The following TNS3 variants were observed in gnomAD, a reference collection of about 807,000 sequenced individuals.
The protein encoded by TNS3 is tensin 3.
Under a neutral mutation model 140.9 loss-of-function variants are expected in TNS3, and 45 were observed. The observed-to-expected ratio is 0.32, with a 90% CI of 0.25 to 0.41. The LOEUF is 0.41. Among genes scored for constraint, TNS3 ranks in the 10% least tolerant of loss-of-function variants. The pLI is 1.00. For missense variants in TNS3, 1,716 were observed against 1,906.7 expected (o/e 0.90, Z 1.86); for synonymous variants, 815 against 788.4 (o/e 1.03, Z -0.56).
chr7:47,348,959 T>C (rs1292744286), intron 17 of TNS3, among the ~76,000 whole-genome samples: 2 of 152,236 alleles, frequency 1.3e-5, no homozygotes, highest in African/African-American at 4.8e-5. Context: ...ACCTTTCAAC[T>C]TGGAAGTTTC....
At chr7:47,297,238 A>G in intron 23 of TNS3, 25 bp from the exon 24 acceptor site, 1 of 1,598,976 alleles carries the variant, frequency 6.3e-7, no homozygotes, top group Non-Finnish European at 8.5e-7. Context: ...GAGAAAGACA[A>G]GAAGGTCTGC....
chr7:47,481,587 G>C, intron 3 of TNS3: 1 of 900,810 alleles, frequency 1.1e-6, no homozygotes, highest in Non-Finnish European at 1.3e-6. Context: ...CTCTACACAA[G>C]GGGCCATCTT....
intron 1 of TNS3, among the ~76,000 whole-genome samples, chr7:47,530,766 T>C (rs1044713428): frequency 5.0e-5 from 7 of 140,166 alleles, no homozygotes; most frequent in African/African-American, 8.0e-5. Context: ...GAGGTTGCAG[T>C]GAGCCGAGAT....
Position 47,454,969 on chromosome 7 carries a change from G to A in TNS3, c.-75-12914C>T, listed in dbSNP as rs140819919. On this transcript the variant is annotated intron_variant, in intron 4 of 30. Coordinates refer to ENST00000311160, the MANE Select transcript of TNS3 (RefSeq NM_022748.12). ...TCTGGAGTATGCCCTGCAGAGCTGC[G>A]TTCTGTCCTGTTAGATGTCCCACCC... Among the ~76,000 whole-genome samples the A allele has an allele frequency of 2.4e-3, 361 of 152,224 alleles. 2 individuals carry two copies. Among genetic ancestry groups the A allele is most frequent in the African/African-American group, 8.4e-3 (349 of 41,534 alleles).
intron 1 of TNS3, among the ~76,000 whole-genome samples, chr7:47,546,428 G>C (rs1279214684): frequency 1.3e-5 from 2 of 152,058 alleles, no homozygotes; most frequent in East Asian, 3.9e-4. Flanking sequence ...CTGCGTCCCA[G>C]CCCTGTGCAC....
intron 8 of TNS3, among the ~76,000 whole-genome samples, chr7:47,432,505 T>A (rs369011916): frequency 3.3e-5 from 5 of 152,380 alleles, no homozygotes; most frequent in Admixed American, 6.5e-5. Context: ...GTTTCACATA[T>A]TCTGTTATAA....
chr7:47,383,876 C>A (rs953802533), intron 16 of TNS3, among the ~76,000 whole-genome samples: 1 of 152,192 alleles, frequency 6.6e-6, no homozygotes, highest in Non-Finnish European at 1.5e-5. Context: ...TCCACCTAGA[C>A]AGATCAGGGT....
rs1447531444 is a variant in TNS3, at chr7:47,439,406, C to A, written c.150+81G>T. On this transcript the variant is annotated intron_variant, in intron 6 of 30. Transcript: ENST00000311160. ...TTGAGCTTCTCCCTCATGTGTAAAC[C>A]AGTGTTCTGTGAGTGCCCATCCCTA... 3.4e-6 allele frequency: 5 copies of A among 1,481,000 alleles called. No individual in the cohort carries two copies. In the Admixed American group the frequency reaches 9.3e-5, roughly 28 times the overall value. 91.7% of individuals were successfully genotyped at this position (1,481,000 alleles called of 1,614,324 possible). A position where few individuals can be genotyped will look rare whatever the true frequency, so the allele number is the denominator to read the frequency against.
At chr7:47,389,837 G>C (rs1792409212) in intron 16 of TNS3, among the ~76,000 whole-genome samples, 1 of 152,238 alleles carries the variant, frequency 6.6e-6, no homozygotes, top group Non-Finnish European at 1.5e-5. Context: ...TCACAATCAA[G>C]AGATGCAGAG....
intron 17 of TNS3, among the ~76,000 whole-genome samples, chr7:47,364,046 C>T (rs1393252074): frequency 6.6e-6 from 1 of 151,960 alleles, no homozygotes; most frequent in African/African-American, 2.4e-5. Context: ...CCCAGGGACT[C>T]GGAACTAGCT....
intron 10 of TNS3, 70 bp from the exon 11 acceptor site, chr7:47,415,276 G>A (rs1463081970): frequency 9.2e-7 from 1 of 1,087,128 alleles, no homozygotes; most frequent in Non-Finnish European, 1.3e-6. Flanking sequence ...GGAACTCAAG[G>A]AGAAACACAT....
At chr7:47,467,893 G>A (rs1796790470) in intron 4 of TNS3, among the ~76,000 whole-genome samples, 1 of 152,194 alleles carries the variant, frequency 6.6e-6, no homozygotes, top group Non-Finnish European at 1.5e-5. Context: ...GTAGGTTGGA[G>A]ATGTTGTTGT....
chr7:47,449,376 T>C (rs1001837971), intron 4 of TNS3, among the ~76,000 whole-genome samples: 3 of 152,164 alleles, frequency 2.0e-5, no homozygotes, highest in African/African-American at 7.2e-5. Context: ...CTCATGTGCC[T>C]CCCTCACTCC....
intron 4 of TNS3, among the ~76,000 whole-genome samples, chr7:47,478,843 TACATGCATA>T (rs1021425727): frequency 3.5e-4 from 53 of 152,134 alleles, no homozygotes; most frequent in African/African-American, 1.3e-3. Flanking sequence ...CCAATAAAAT[TACATGCATA>T]ACATGCATGT....
At chr7:47,296,176 A>G (rs1786007925) in intron 24 of TNS3, among the ~76,000 whole-genome samples, 1 of 152,188 alleles carries the variant, frequency 6.6e-6, no homozygotes, top group Admixed American at 6.5e-5. Flanking sequence ...GGAGAAAAAA[A>G]AAAGAAAACT....
At chr7:47,316,662 C>G (rs1787430997) in intron 20 of TNS3, among the ~76,000 whole-genome samples, 1 of 149,722 alleles carries the variant, frequency 6.7e-6, no homozygotes, top group African/African-American at 2.5e-5. Context: ...AACACCGTCT[C>G]TATTCAAAAT....
chr7:47,500,473 GA>G (rs1283583810), intron 3 of TNS3, among the ~76,000 whole-genome samples: 37 of 152,336 alleles, frequency 2.4e-4, no homozygotes, highest in Admixed American at 6.5e-4. Flanking sequence ...AGAGGGAGCA[GA>G]ACAAGCCTCC....
chr7:47,441,950 G>T, intron 5 of TNS3, 53 bp downstream of exon 5: 1 of 1,233,602 alleles, frequency 8.1e-7, no homozygotes, highest in Non-Finnish European at 1.1e-6. Context: ...CCTCTGTAGA[G>T]AGCTGACCTA....
At chr7:47,543,251 C>T (rs1312019513) in intron 1 of TNS3, among the ~76,000 whole-genome samples, 1 of 152,218 alleles carries the variant, frequency 6.6e-6, no homozygotes, top group East Asian at 1.9e-4. Context: ...CCAGGGCACT[C>T]ACCCTCTGGG....
Sources: allele counts gnomAD v4.1 joint callset (sites outside exome capture counted in the v4.1 genomes callset), GRCh38; gene constraint gnomAD v4.1.1; transcripts MANE v1.5; gene names NCBI Gene and HGNC (gene_info 2026-07-23, HGNC 2026-07-21).